Variants in COL25A1 observed in about 807,000 individuals in gnomAD.
The protein encoded by COL25A1 is collagen alpha-1(XXV) chain.
Under a neutral mutation model 128.4 loss-of-function variants are expected in COL25A1, and 103 were observed. The observed-to-expected ratio is 0.80, with a 90% CI of 0.68 to 0.94. The LOEUF is 0.94. Ranked by LOEUF, COL25A1 falls within the 40% of genes least tolerant of loss-of-function variation. The pLI is 0.00. For synonymous variants in COL25A1, 279 were observed against 277.2 expected (o/e 1.01, Z -0.06); for missense variants, 745 against 840.0 (o/e 0.89, Z 1.40).
chr4:109,147,808 C>T (rs1408237630), intron 3 of COL25A1, among the ~76,000 whole-genome samples: 1 of 143,400 alleles, frequency 7.0e-6, no homozygotes, highest in African/African-American at 2.6e-5. Context: ...CACAGAAAGA[C>T]TCTGTCTCAA....
At chr4:109,275,155 G>A (rs1019597560) in intron 3 of COL25A1, among the ~76,000 whole-genome samples, 4 of 152,088 alleles carry the variant, frequency 2.6e-5, no homozygotes, top group Non-Finnish European at 4.4e-5. Flanking sequence ...ATGTCCCCCC[G>A]CTGGGTCTAC....
intron 8 of COL25A1, among the ~76,000 whole-genome samples, chr4:108,962,328 T>C (rs568005655): frequency 4.6e-5 from 7 of 151,772 alleles, no homozygotes; most frequent in Non-Finnish European, 7.4e-5. Context: ...GCTGGGACTA[T>C]AGGCGCTACG....
rs147365929 is a variant in COL25A1 at position 108,890,041 on chromosome 4, C to T, written c.907-308G>A. 2.3e-3 allele frequency among the ~76,000 whole-genome samples: 345 copies of T among 152,332 alleles called. 1 individual carries two copies. The highest frequency in any genetic ancestry group is 8.0e-3 in the African/African-American group (331 of 41,572). On this transcript the variant is annotated intron_variant, in intron 16 of 37. Coordinates refer to ENST00000399132, the MANE Select transcript of COL25A1 (RefSeq NM_198721.4). The stretch of plus-strand genomic sequence containing the variant: ...CATTCCGTGAAATAAACATGAATTT[C>T]TTCCCTTGATACAGTGCTAAAAATA...
chr4:109,240,383 A>G (rs1779818469), intron 3 of COL25A1, among the ~76,000 whole-genome samples: 1 of 152,034 alleles, frequency 6.6e-6, no homozygotes, highest in Non-Finnish European at 1.5e-5. Flanking sequence ...AAAATCTATT[A>G]AAATCTGATG....
chr4:109,064,526 G>T (rs949630240), intron 3 of COL25A1, among the ~76,000 whole-genome samples: 7 of 152,246 alleles, frequency 4.6e-5, no homozygotes, highest in Middle Eastern at 3.4e-3. Context: ...CTTAAAATCT[G>T]TGAAATCCAT....
intron 23 of COL25A1, among the ~76,000 whole-genome samples, 169 bp downstream of exon 23, chr4:108,860,758 G>A (rs1321479646): frequency 6.6e-6 from 1 of 152,118 alleles, no homozygotes; most frequent in Non-Finnish European, 1.5e-5. Context: ...TGCTCCTGGT[G>A]AGGAAAATAA....
At chr4:109,253,914 T>C (rs373516192) in intron 3 of COL25A1, among the ~76,000 whole-genome samples, 1,984 of 152,012 alleles carry the variant, frequency 0.013, 14 homozygotes, top group Non-Finnish European at 0.016. Flanking sequence ...GGTGAAACCC[T>C]GTCTCTACTA....
chr4:109,011,456 A>G (rs1443455208), intron 5 of COL25A1, among the ~76,000 whole-genome samples: 1 of 152,168 alleles, frequency 6.6e-6, no homozygotes, highest in Non-Finnish European at 1.5e-5. Context: ...GAGCCAAACC[A>G]AGTCACTGCA....
rs1302242973 is a variant in COL25A1 at position 108,871,342 on chromosome 4, C to A, written c.1021-2192G>T. ...ATTTTATTTATTTATTTTTTTGAGA[C>A]GGAGTCTCAGTCGCCCAGGCTGGAG... On this transcript the variant is annotated intron_variant, in intron 19 of 37. Coordinates refer to ENST00000399132, the MANE Select transcript of COL25A1 (RefSeq NM_198721.4). Among the ~76,000 whole-genome samples, 18 of 152,168 alleles carry A rather than the reference C, an allele frequency of 1.2e-4. No individual in the cohort carries two copies. The South Asian group carries it at 3.5e-3, about 30-fold the overall frequency.
intron 3 of COL25A1, among the ~76,000 whole-genome samples, chr4:109,197,461 TATTATATATA>T (rs1368997724): frequency 5.6e-5 from 4 of 71,876 alleles, no homozygotes; most frequent in African/African-American, 1.3e-4. Context: ...TATATATAAA[TATTATATATA>T]ATATATATTA....
intron 3 of COL25A1, among the ~76,000 whole-genome samples, chr4:109,294,611 G>A (rs1328029999): frequency 6.6e-6 from 1 of 152,084 alleles, no homozygotes; most frequent in Non-Finnish European, 1.5e-5. Context: ...GGCTGGGGAT[G>A]CATCTATATT....
rs533185836 is a variant in COL25A1 at position 108,998,769 on chromosome 4, A to G, written c.438+11589T>C. Among the ~76,000 whole-genome samples the G allele has an allele frequency of 8.5e-5, 13 of 152,346 alleles. No individual in the cohort carries two copies. The South Asian group carries it at 2.7e-3, about 32-fold the overall frequency. ...ATGGTACTGGTACCAAAACAGATAT[A>G]TAGACCAATGGAACAGAACAGAGGC... is the stretch of plus-strand genomic sequence containing the variant. On this transcript the variant is annotated intron_variant, in intron 6 of 37. Transcript: ENST00000399132.
At chr4:109,226,694 T>C (rs1039483456) in intron 3 of COL25A1, among the ~76,000 whole-genome samples, 1 of 152,092 alleles carries the variant, frequency 6.6e-6, no homozygotes, top group Admixed American at 6.5e-5. Context: ...AATATAATTC[T>C]GGGGAACAAA....
At chr4:109,072,081 T>C (rs911982635) in intron 3 of COL25A1, among the ~76,000 whole-genome samples, 1 of 152,216 alleles carries the variant, frequency 6.6e-6, no homozygotes, top group Admixed American at 6.5e-5. Context: ...ATTGTTTCCT[T>C]GGGATGAAGT....
At chr4:108,877,388 T>C (rs1739569039) in intron 19 of COL25A1, among the ~76,000 whole-genome samples, 2 of 152,126 alleles carry the variant, frequency 1.3e-5, no homozygotes, top group Admixed American at 1.3e-4. Context: ...CCATTGTCAA[T>C]TAGTGTATGA....
At position 108,813,775 on chromosome 4, in the gene COL25A1, G is replaced by A; in HGVS notation, c.*152C>T. 1 of 608,422 alleles carries A rather than the reference G, an allele frequency of 1.6e-6. No individual in the cohort carries two copies. The allele number at this position is 608,422 out of a possible 1,614,324, so 37.7% of individuals were successfully genotyped here. A position where few individuals can be genotyped will look rare whatever the true frequency, so the allele number is the denominator to read the frequency against. The stretch of plus-strand genomic sequence containing the variant: ...TTGCCCAATTTCAGATGTAAGTGGA[G>A]TAAAAATGGACATGTATACTACTGC... On this transcript the variant is annotated 3_prime_UTR_variant, in exon 38 of 38. Transcript: ENST00000399132.
chr4:109,223,713 G>A (rs962757518), intron 3 of COL25A1, among the ~76,000 whole-genome samples: 4 of 152,036 alleles, frequency 2.6e-5, no homozygotes, highest in Admixed American at 2.0e-4. Flanking sequence ...CCTATCTGCT[G>A]CATTTACCAG....
chr4:108,922,745 T>C (rs1745617974), intron 11 of COL25A1, among the ~76,000 whole-genome samples: 1 of 152,234 alleles, frequency 6.6e-6, no homozygotes, highest in African/African-American at 2.4e-5. Flanking sequence ...TATTTTCCTT[T>C]ACTGTTAGGA....
chr4:108,838,944 A>G (rs1350533232), intron 31 of COL25A1, among the ~76,000 whole-genome samples: 3 of 152,188 alleles, frequency 2.0e-5, no homozygotes, highest in African/African-American at 7.2e-5. Context: ...CATGTTAGAT[A>G]TCAAGTTCTG....
Sources: gnomAD v4.1 joint callset for allele counts (sites outside exome capture counted in the v4.1 genomes callset) on GRCh38, gnomAD v4.1.1 for gene constraint, MANE v1.5 for transcripts, NCBI Gene and HGNC (gene_info 2026-07-23, HGNC 2026-07-21) for gene names.